The following IL1RAPL1 variants were observed in gnomAD, a reference collection of about 807,000 sequenced individuals.
IL1RAPL1 encodes interleukin-1 receptor accessory protein-like 1.
In IL1RAPL1, 3 loss-of-function variants were observed where a neutral mutation model predicts 48.4. The ratio of observed to expected loss-of-function variants is 0.06; its 90% CI spans 0.03 to 0.16. The LOEUF (loss-of-function observed/expected upper bound fraction) is 0.16. IL1RAPL1 is among the 10% of genes least tolerant of loss of function. The probability of loss-of-function intolerance (pLI) is 1.00; values close to 1 mark genes in which losing one functional copy is unlikely to be tolerated. For synonymous variants in IL1RAPL1, 185 were observed against 187.7 expected (o/e 0.99, Z 0.12); for missense variants, 349 against 530.6 (o/e 0.66, Z 3.36).
At chrX:28,604,652 G>A (rs1224210169) in intron 1 of IL1RAPL1, among the ~76,000 whole-genome samples, 5 of 104,639 alleles carry the variant, frequency 4.8e-5, no homozygotes, top group South Asian at 4.6e-4. Flanking sequence ...ACTTGAACCC[G>A]GGAGGCGGAG....
intron 2 of IL1RAPL1, among the ~76,000 whole-genome samples, chrX:28,882,264 G>A (rs987363444): frequency 3.6e-5 from 4 of 111,212 alleles, no homozygotes; most frequent in African/African-American, 9.8e-5. Flanking sequence ...CTTGCAGACC[G>A]GAAGGGAGTG....
chrX:29,560,544 G>A (rs1212884179), intron 5 of IL1RAPL1, among the ~76,000 whole-genome samples: 2 of 111,331 alleles, frequency 1.8e-5, no homozygotes, highest in Admixed American at 9.5e-5. Context: ...AATTCTGTAG[G>A]CCTTCTGTAC....
chrX:29,006,200 T>C (rs1207743839), intron 2 of IL1RAPL1, among the ~76,000 whole-genome samples: 1 of 110,904 alleles, frequency 9.0e-6, no homozygotes, highest in African/African-American at 3.3e-5. Flanking sequence ...TTTGTTCTTC[T>C]TGTTACATTT....
intron 2 of IL1RAPL1, among the ~76,000 whole-genome samples, chrX:29,045,564 C>G (rs759180964): frequency 3.5e-4 from 39 of 111,528 alleles, no homozygotes; most frequent in African/African-American, 9.8e-4. Flanking sequence ...TTCCTAGGCT[C>G]GAGGGATCCT....
At chrX:29,202,242 C>G (rs998396083) in intron 2 of IL1RAPL1, among the ~76,000 whole-genome samples, 1 of 111,231 alleles carries the variant, frequency 9.0e-6, no homozygotes, top group Non-Finnish European at 1.9e-5. Flanking sequence ...AGACATACAG[C>G]CAACAATCAT....
chrX:29,856,915 C>T (rs1226992756), intron 6 of IL1RAPL1, among the ~76,000 whole-genome samples: 2 of 111,497 alleles, frequency 1.8e-5, no homozygotes, highest in Admixed American at 1.9e-4. Flanking sequence ...AGTAGCTCTA[C>T]TTAAACTAGT....
rs889364772 is a variant in IL1RAPL1 at position 29,624,861 on chromosome X, A to G, written c.704-43569A>G. Among the ~76,000 whole-genome samples, 4 of 111,064 alleles carry G rather than the reference A, an allele frequency of 3.6e-5. No individual in the cohort carries two copies. The Admixed American group carries it at 3.8e-4, about 11-fold the overall frequency. ...GACCCTGTCTCAAAAAAATATTATTATAATTGAGGTGAATTAATTGACATC... is the reference window on the plus strand; with the variant it reads ...GACCCTGTCTCAAAAAAATATTATTGTAATTGAGGTGAATTAATTGACATC... On this transcript the variant is annotated intron_variant, in intron 5 of 10. Coordinates refer to ENST00000378993, the MANE Select transcript of IL1RAPL1 (RefSeq NM_014271.4).
chrX:28,591,554 A>G (rs140405467), intron 1 of IL1RAPL1, among the ~76,000 whole-genome samples: 4 of 112,201 alleles, frequency 3.6e-5, no homozygotes, highest in Admixed American at 1.9e-4. Flanking sequence ...TTGAGATTTA[A>G]AAGTAGCAAG....
chrX:28,949,893 C>T (rs1181113409), intron 2 of IL1RAPL1, among the ~76,000 whole-genome samples: 20 of 109,518 alleles, frequency 1.8e-4, no homozygotes, highest in Non-Finnish European at 3.0e-4. Flanking sequence ...GTAGGTTGCC[C>T]GTTCACTCTG....
chrX:29,586,712 A>G (rs1361179562), intron 5 of IL1RAPL1, among the ~76,000 whole-genome samples: 1 of 111,101 alleles, frequency 9.0e-6, no homozygotes, highest in African/African-American at 3.3e-5. Context: ...ATTTTTTTTA[A>G]TAGATGTTTT....
chrX:29,124,736 A>G (rs1197027357), intron 2 of IL1RAPL1, among the ~76,000 whole-genome samples: 1 of 112,400 alleles, frequency 8.9e-6, no homozygotes, highest in African/African-American at 3.2e-5. Context: ...TTTCCATAAA[A>G]AAGTATAGAG....
At chrX:29,818,453 T>C (rs1930542124) in intron 6 of IL1RAPL1, among the ~76,000 whole-genome samples, 1 of 112,791 alleles carries the variant, frequency 8.9e-6, no homozygotes, top group Non-Finnish European at 1.9e-5. Context: ...AGGAAAGTTT[T>C]TGATTTCACA....
chrX:29,850,929 CTATTCTTTATGTAAA>C (rs1342122090), intron 6 of IL1RAPL1, among the ~76,000 whole-genome samples: 2 of 111,985 alleles, frequency 1.8e-5, no homozygotes, highest in Non-Finnish European at 3.8e-5. Context: ...AGAGTTCTTC[CTATTCTTTATGTAAA>C]TAATACCAAG....
Position 29,057,327 on chromosome X carries a change from G to A in IL1RAPL1, c.83-225611G>A, listed in dbSNP as rs190511638. On this transcript the variant is annotated intron_variant, in intron 2 of 10. Transcript: ENST00000378993. ...GATAATCTATACTAATGGACCACAA[G>A]GGTAGCAATATAATCTAATGAAGTG... Among the ~76,000 whole-genome samples, 218 of 112,016 alleles carry A rather than the reference G, an allele frequency of 1.9e-3. 2 individuals carry two copies. Among genetic ancestry groups the A allele is most frequent in the Admixed American group, 5.1e-3 (54 of 10,599 alleles).
chrX:29,006,645 ATATG>A lies in IL1RAPL1; in HGVS notation c.82+217222_82+217225del, dbSNP rs778532116. ...TGCCCACATTTGTGTGTGTTTATAT[ATATG>A]TGTGTGTGTGTGTGTGTGTGTGTGT... On this transcript the variant is annotated intron_variant, in intron 2 of 10. Coordinates refer to ENST00000378993, the MANE Select transcript of IL1RAPL1 (RefSeq NM_014271.4). Among the ~76,000 whole-genome samples, 444 of 80,061 alleles carry A rather than the reference ATATG, an allele frequency of 5.5e-3. 2 individuals are homozygous for A. Among genetic ancestry groups the A allele is most frequent in the Middle Eastern group, 0.014 (2 of 148 alleles). 69.5% of individuals were successfully genotyped at this position (80,061 alleles called of 115,157 possible).
chrX:28,969,904 C>CACATATATGTTTCTAA (rs1555947907), intron 2 of IL1RAPL1, among the ~76,000 whole-genome samples: 26 of 42,996 alleles, frequency 6.0e-4, no homozygotes, highest in Non-Finnish European at 7.9e-4. Context: ...TGTTTCTAAA[C>CACATATATGTTTCTAA]ACACATATAT....
Position 29,539,258 on chromosome X carries a change from T to C in IL1RAPL1, c.704-129172T>C, listed in dbSNP as rs762742949. 3.6e-5 allele frequency among the ~76,000 whole-genome samples: 4 copies of C among 111,935 alleles called. No homozygotes were observed. The East Asian group carries it at 1.1e-3, about 31-fold the overall frequency. ...CCTGGGATGCAACGTTGGTTTAACA[T>C]ACTCAAATCAATAAATGTGACTCAC... On this transcript the variant is annotated intron_variant, in intron 5 of 10. Transcript: ENST00000378993.
At chrX:29,848,942 T>G (rs751636886) in intron 6 of IL1RAPL1, among the ~76,000 whole-genome samples, 1 of 110,435 alleles carries the variant, frequency 9.1e-6, no homozygotes, top group Admixed American at 9.6e-5. Flanking sequence ...AATTTTTGTG[T>G]TTTCAGTAGA....
intron 2 of IL1RAPL1, among the ~76,000 whole-genome samples, chrX:28,887,034 G>C (rs1922648900): frequency 8.9e-6 from 1 of 111,774 alleles, no homozygotes; most frequent in Non-Finnish European, 1.9e-5. Flanking sequence ...CTCTGATAAA[G>C]AGTTACCTAC....
Sources: gnomAD v4.1 joint callset for allele counts (sites outside exome capture counted in the v4.1 genomes callset) on GRCh38, gnomAD v4.1.1 for gene constraint, MANE v1.5 for transcripts, NCBI Gene and HGNC (gene_info 2026-07-23, HGNC 2026-07-21) for gene names.